The following MACIR variants were observed in gnomAD, a reference collection of about 807,000 sequenced individuals.
MACIR encodes the protein macrophage immunometabolism regulator.
Under a neutral mutation model 14.3 loss-of-function variants are expected in MACIR, and 4 were observed. That is an observed-to-expected ratio of 0.28 (90% CI 0.14 to 0.64). MACIR has a LOEUF of 0.64. Ranked by LOEUF, MACIR falls within the 30% of genes least tolerant of loss-of-function variation. The pLI is 0.83. For missense variants in MACIR, 228 were observed against 257.6 expected, an observed-to-expected ratio of 0.89 and a Z score of 0.79; for synonymous variants, 101 against 102.4, an observed-to-expected ratio of 0.99 and a Z score of 0.08.
chr5:103,270,403 A>T (rs2149929759), intron 2 of MACIR, among the ~76,000 whole-genome samples: 1 of 152,294 alleles, frequency 6.6e-6, no homozygotes, highest in South Asian at 2.1e-4. Flanking sequence ...AATACGCGGA[A>T]AAAGGAAGGA....
At chr5:103,274,542 T>C (rs911510697) in intron 2 of MACIR, among the ~76,000 whole-genome samples, 2 of 152,038 alleles carry the variant, frequency 1.3e-5, no homozygotes, top group African/African-American at 4.8e-5. Flanking sequence ...TCAAATATTG[T>C]AATAAATGTT....
In MACIR at chr5:103,258,848, C is replaced by G. The variant is rs1340457426; in HGVS notation, c.-162C>G. On this transcript the variant is annotated 5_prime_UTR_variant, in exon 1 of 3. Coordinates refer to ENST00000319933, the MANE Select transcript of MACIR (RefSeq NM_033211.4). ...CTGCGCCTCTCCCGCCCCTGTCTCCCGCTCCGCAGCCCCGGGCACGGCGGA... is the reference window on the plus strand; with the variant it reads ...CTGCGCCTCTCCCGCCCCTGTCTCCGGCTCCGCAGCCCCGGGCACGGCGGA... 6.6e-6 allele frequency: 1 copy of G among 152,336 alleles called. No individual in the cohort carries two copies. The highest frequency in any genetic ancestry group is 1.5e-5 in the Non-Finnish European group (1 of 68,166). The allele number at this position is 152,336 out of a possible 1,614,324, so 9.4% of individuals were successfully genotyped here. A position where few individuals can be genotyped will look rare whatever the true frequency, so the allele number is the denominator to read the frequency against.
chr5:103,264,289 C>A (rs1804844096), intron 1 of MACIR, among the ~76,000 whole-genome samples: 1 of 152,048 alleles, frequency 6.6e-6, no homozygotes, highest in South Asian at 2.1e-4. Flanking sequence ...AGGGCTACTA[C>A]TAAAGAGTAC....
In MACIR at chr5:103,275,983, G is replaced by A; in HGVS notation, c.64G>A (p.Glu22Lys). ...TLTTLPFPGA[E>K]ANSPGKAEAE... ...GACCACCTTGCCCTTCCCTGGGGCT[G>A]AGGCCAACTCCCCGGGAAAGGCGGA... is the stretch of plus-strand genomic sequence containing the variant. The change falls in exon 3 of 3, where the codon GAG (glutamate) becomes AAG (lysine). Residue 22 changes from glutamate (E) to lysine (K), a missense_variant. Physicochemically the swap from Glu to Lys is moderately conservative, Grantham distance 56. Transcript: ENST00000319933. 6.2e-7 allele frequency: 1 copy of A among 1,614,064 alleles called. No individual in the cohort carries two copies. The highest frequency in any genetic ancestry group is 8.5e-7 in the Non-Finnish European group (1 of 1,180,030).
At chr5:103,264,328 C>T (rs1804845533) in intron 1 of MACIR, among the ~76,000 whole-genome samples, 1 of 152,014 alleles carries the variant, frequency 6.6e-6, no homozygotes, top group Non-Finnish European at 1.5e-5. Flanking sequence ...ATATTTTCTT[C>T]ATGGAGTAGT....
At chr5:103,275,651 C>T (rs13185687) in intron 2 of MACIR, among the ~76,000 whole-genome samples, 9,081 of 152,206 alleles carry the variant, frequency 0.06, 394 homozygotes, top group African/African-American at 0.11. Context: ...GTTTGCTTCT[C>T]CATCTGAACT....
At position 103,275,896 on chromosome 5, in the gene MACIR, G is replaced by C. The variant is rs781910318; in HGVS notation, c.-23-1G>C. 2 of 1,594,476 alleles carry C rather than the reference G, an allele frequency of 1.3e-6. No individual in the cohort carries two copies. Among genetic ancestry groups the C allele is most frequent in the African/African-American group, 2.7e-5 (2 of 74,360 alleles). On this transcript the variant is annotated splice_acceptor_variant, in intron 2 of 2. Transcript: ENST00000319933. LOFTEE classifies it low-confidence loss of function (5UTR_SPLICE). ...TCTAATCTAAGTCTGTTTACTTTTA[G>C]GATTGTGCAGACTGGTGCTTAAAAT... is the stretch of plus-strand genomic sequence containing the variant.
At chr5:103,271,540 T>C (rs1183540433) in intron 2 of MACIR, among the ~76,000 whole-genome samples, 1 of 152,154 alleles carries the variant, frequency 6.6e-6, no homozygotes, top group Non-Finnish European at 1.5e-5. Flanking sequence ...TATTGTTACC[T>C]TTGTCTGATG....
intron 1 of MACIR, chr5:103,259,322 C>T (rs1216552557): frequency 1.3e-5 from 2 of 152,120 alleles, no homozygotes; most frequent in Non-Finnish European, 1.5e-5. Flanking sequence ...GCGTCGTGCG[C>T]TCGCTGGGGA....
rs370177890 is a variant in MACIR, at chr5:103,274,975, T to G, written c.-23-922T>G. ...CTTTCAGGAACCTAGCCGCCATTTG[T>G]TCTATTTCTTGTCAATGGAGATTTC... On this transcript the variant is annotated intron_variant, in intron 2 of 2. Coordinates refer to ENST00000319933, the MANE Select transcript of MACIR (RefSeq NM_033211.4). 2.0e-5 allele frequency among the ~76,000 whole-genome samples: 3 copies of G among 152,318 alleles called. No homozygotes were observed. The East Asian group carries it at 5.8e-4, about 29-fold the overall frequency.
rs917822163 is a variant in MACIR at position 103,277,354 on chromosome 5, A to G, written c.*814A>G. 4.8e-5 allele frequency: 8 copies of G among 167,200 alleles called. No individual in the cohort carries two copies. The East Asian group carries it at 1.5e-3, about 32-fold the overall frequency. The allele number at this position is 167,200 out of a possible 1,614,324, so 10.4% of individuals were successfully genotyped here. On this transcript the variant is annotated 3_prime_UTR_variant, in exon 3 of 3. Coordinates refer to ENST00000319933, the MANE Select transcript of MACIR (RefSeq NM_033211.4). ...GTGCTTATTTTCTAACTTAAAATTC[A>G]CCTGGAACTTTAAATGGGAAAGGAT...
At chr5:103,275,387 A>G (rs1805286365) in intron 2 of MACIR, among the ~76,000 whole-genome samples, 1 of 152,202 alleles carries the variant, frequency 6.6e-6, no homozygotes, top group African/African-American at 2.4e-5. Context: ...CAACTTTATT[A>G]TATGTTCCTT....
intron 1 of MACIR, chr5:103,259,488 C>G (rs1266640575): frequency 6.6e-6 from 1 of 152,208 alleles, no homozygotes; most frequent in Non-Finnish European, 1.5e-5. Flanking sequence ...AAGTAGCTTT[C>G]CCCGGCCGGC....
At chr5:103,269,689 T>C (rs540129453) in intron 2 of MACIR, among the ~76,000 whole-genome samples, 48 of 152,176 alleles carry the variant, frequency 3.2e-4, no homozygotes, top group Non-Finnish European at 5.9e-4. Flanking sequence ...TTGAAGAGTG[T>C]TCAAAGCTGT....
At chr5:103,258,994 T>A (rs1181252838) in intron 1 of MACIR, 98 bp downstream of exon 1, 1 of 152,554 alleles carries the variant, frequency 6.6e-6, no homozygotes, top group Non-Finnish European at 1.5e-5. Flanking sequence ...TGCCCCAGGC[T>A]CCGATCCCCA....
At chr5:103,274,296 T>A (rs1805240718) in intron 2 of MACIR, among the ~76,000 whole-genome samples, 1 of 151,890 alleles carries the variant, frequency 6.6e-6, no homozygotes, top group African/African-American at 2.4e-5. Context: ...GAGTAGCTGG[T>A]AGTCACCTGA....
intron 1 of MACIR, among the ~76,000 whole-genome samples, chr5:103,263,448 A>T (rs1009988028): frequency 6.6e-6 from 1 of 152,186 alleles, no homozygotes; most frequent in Non-Finnish European, 1.5e-5. Flanking sequence ...ATCATTTCCT[A>T]GATTTACACA....
intron 2 of MACIR, among the ~76,000 whole-genome samples, chr5:103,274,654 G>GT (rs1199701066): frequency 0.01 from 1,451 of 143,798 alleles, 7 homozygotes; most frequent in African/African-American, 0.013. Flanking sequence ...ATAAAGTGCT[G>GT]TTTTTTTTTT....
Position 103,275,897 on chromosome 5 carries a change from G to C in MACIR, c.-23G>C. ...CTAATCTAAGTCTGTTTACTTTTAGGATTGTGCAGACTGGTGCTTAAAATG... is the reference window on the plus strand; with the variant it reads ...CTAATCTAAGTCTGTTTACTTTTAGCATTGTGCAGACTGGTGCTTAAAATG... On this transcript the variant is annotated splice_region_variant and 5_prime_UTR_variant, in exon 3 of 3. Transcript: ENST00000319933. 1 of 1,595,272 alleles carries C rather than the reference G, an allele frequency of 6.3e-7. No individual in the cohort carries two copies. The highest frequency in any genetic ancestry group is 8.5e-7 in the Non-Finnish European group (1 of 1,169,776).
Sources: gnomAD v4.1 joint callset for allele counts (sites outside exome capture counted in the v4.1 genomes callset) on GRCh38, gnomAD v4.1.1 for gene constraint, MANE v1.5 for transcripts, NCBI Gene and HGNC (gene_info 2026-07-23, HGNC 2026-07-21) for gene names.